Variants in SCMH1 observed in about 807,000 individuals in gnomAD.
SCMH1 encodes the protein Scm polycomb group protein homolog 1.
A neutral mutation model predicts 70.8 loss-of-function variants in SCMH1; 37 were observed. That is an observed-to-expected ratio of 0.52 (90% CI 0.40 to 0.69). The LOEUF is 0.69. SCMH1 is among the 30% of genes least tolerant of loss of function. The pLI is 0.00. For missense variants in SCMH1, 607 were observed against 827.3 expected (o/e 0.73, Z 3.27); for synonymous variants, 292 against 307.4 (o/e 0.95, Z 0.52).
intron 2 of SCMH1, among the ~76,000 whole-genome samples, chr1:41,169,955 C>G (rs985452534): frequency 6.6e-6 from 1 of 152,164 alleles, no homozygotes; most frequent in Non-Finnish European, 1.5e-5. Context: ...TCTTCCCAGG[C>G]TGGTGGCAGG....
intron 6 of SCMH1, among the ~76,000 whole-genome samples, chr1:41,129,870 C>T (rs1674197910): frequency 6.6e-6 from 1 of 152,170 alleles, no homozygotes; most frequent in Admixed American, 6.6e-5. Flanking sequence ...GATCCTCCTG[C>T]CTCAGCCTTC....
intron 8 of SCMH1, among the ~76,000 whole-genome samples, chr1:41,085,955 C>T (rs1319664218): frequency 1.3e-5 from 2 of 150,748 alleles, no homozygotes; most frequent in African/African-American, 4.9e-5. Flanking sequence ...ATTCTCCTGC[C>T]TCAGCCTCCT....
At chr1:41,064,838 C>T (rs750587825) in intron 10 of SCMH1, among the ~76,000 whole-genome samples, 1 of 151,906 alleles carries the variant, frequency 6.6e-6, no homozygotes, top group Non-Finnish European at 1.5e-5. Context: ...TCGCTTCTGC[C>T]CAGGAGTTTG....
chr1:41,183,572 T>G (rs992628430), intron 2 of SCMH1, among the ~76,000 whole-genome samples: 7 of 141,522 alleles, frequency 4.9e-5, no homozygotes, highest in Non-Finnish European at 1.1e-4. Context: ...ACCTCCTACA[T>G]TTATGCCTGT....
chr1:41,126,078 C>T (rs751063414), intron 6 of SCMH1, among the ~76,000 whole-genome samples: 16 of 152,210 alleles, frequency 1.1e-4, no homozygotes, highest in Admixed American at 2.0e-4. Context: ...AATTCAAATC[C>T]AATACTACAG....
At chr1:41,111,435 G>A (rs1426076494) in intron 8 of SCMH1, among the ~76,000 whole-genome samples, 1 of 152,206 alleles carries the variant, frequency 6.6e-6, no homozygotes, top group Non-Finnish European at 1.5e-5. Flanking sequence ...TGCCTCTCAG[G>A]TTCAAGCAAT....
intron 13 of SCMH1, among the ~76,000 whole-genome samples, chr1:41,034,694 C>T (rs539648719): frequency 1.3e-5 from 2 of 152,152 alleles, no homozygotes; most frequent in African/African-American, 4.8e-5. Flanking sequence ...CTCACTCATG[C>T]GTCCCTGGGC....
chr1:41,097,943 G>GCC (rs1264261346), intron 8 of SCMH1, among the ~76,000 whole-genome samples: 1 of 152,136 alleles, frequency 6.6e-6, no homozygotes, highest in Non-Finnish European at 1.5e-5. Context: ...TAGTCTCTGT[G>GCC]CTTAAGTTTT....
At chr1:41,189,452 G>A (rs80354905) in intron 1 of SCMH1, among the ~76,000 whole-genome samples, 2,861 of 152,230 alleles carry the variant, frequency 0.019, 89 homozygotes, top group East Asian at 0.1. Flanking sequence ...GCGCCCAGCC[G>A]AGTATTTCCA....
chr1:41,095,246 T>C (rs948330413), intron 8 of SCMH1, among the ~76,000 whole-genome samples: 4 of 152,220 alleles, frequency 2.6e-5, no homozygotes, highest in Non-Finnish European at 4.4e-5. Context: ...AGAATTCTGC[T>C]TCACTTTGAC....
At chr1:41,241,454 C>G (rs992826652) in intron 1 of SCMH1, among the ~76,000 whole-genome samples, 14 of 152,048 alleles carry the variant, frequency 9.2e-5, no homozygotes, top group African/African-American at 2.7e-4. Context: ...GGGCCCAGCC[C>G]CCAGGACGCT....
intron 1 of SCMH1, among the ~76,000 whole-genome samples, chr1:41,201,274 C>A (rs1351713515): frequency 2.4e-4 from 36 of 152,158 alleles, no homozygotes; most frequent in Admixed American, 2.4e-3. Context: ...TACAGAATTA[C>A]AAACTTGAGG....
At chr1:41,050,557 G>A (rs1009421658) in intron 10 of SCMH1, among the ~76,000 whole-genome samples, 10 of 152,144 alleles carry the variant, frequency 6.6e-5, no homozygotes, top group African/African-American at 2.4e-4. Flanking sequence ...GTGATATGTG[G>A]AAAGTGACAG....
At chr1:41,096,397 T>C (rs1347947350) in intron 8 of SCMH1, among the ~76,000 whole-genome samples, 2 of 152,244 alleles carry the variant, frequency 1.3e-5, no homozygotes, top group Non-Finnish European at 2.9e-5. Context: ...TTCTCTGCAT[T>C]GTAGTTTCTT....
intron 6 of SCMH1, among the ~76,000 whole-genome samples, chr1:41,135,051 T>C (rs1321457140): frequency 6.6e-6 from 1 of 152,216 alleles, no homozygotes; most frequent in Non-Finnish European, 1.5e-5. Context: ...TATGTCTTGA[T>C]GAATTGTTGT....
chr1:41,140,942 C>T (rs1424599600), intron 6 of SCMH1, among the ~76,000 whole-genome samples: 2 of 152,116 alleles, frequency 1.3e-5, no homozygotes, highest in Non-Finnish European at 2.9e-5. Flanking sequence ...TGAAACACAA[C>T]AAATATGTAT....
At chr1:41,189,527 A>G (rs1340990027) in intron 1 of SCMH1, among the ~76,000 whole-genome samples, 1 of 152,206 alleles carries the variant, frequency 6.6e-6, no homozygotes, top group Non-Finnish European at 1.5e-5. Flanking sequence ...TTAGGAGATA[A>G]CTATGATGAG....
At chr1:41,140,407 C>T (rs1387445926) in intron 6 of SCMH1, among the ~76,000 whole-genome samples, 1 of 152,048 alleles carries the variant, frequency 6.6e-6, no homozygotes, top group Non-Finnish European at 1.5e-5. Context: ...ATTCTCCTGC[C>T]TCAGCCTCCC....
At chr1:41,033,707 A>C (rs1197240796) in intron 13 of SCMH1, among the ~76,000 whole-genome samples, 1 of 152,238 alleles carries the variant, frequency 6.6e-6, no homozygotes, top group Non-Finnish European at 1.5e-5. Flanking sequence ...GCAGTAAGAG[A>C]GGAAACAGAC....
Sources: allele counts gnomAD v4.1 joint callset (sites outside exome capture counted in the v4.1 genomes callset), GRCh38; gene constraint gnomAD v4.1.1; transcripts MANE v1.5; gene names NCBI Gene and HGNC (gene_info 2026-07-23, HGNC 2026-07-21).